The following PKHD1L1 variants were observed in gnomAD, a reference collection of about 807,000 sequenced individuals.
PKHD1L1 encodes fibrocystin-L.
Under a neutral mutation model 462.9 loss-of-function variants are expected in PKHD1L1, and 434 were observed. That is an observed-to-expected ratio of 0.94 (90% CI 0.87 to 1.02). The LOEUF (loss-of-function observed/expected upper bound fraction) is 1.02, where lower values mean the gene tolerates loss of function less well. Ranked by LOEUF, PKHD1L1 falls within the 50% of genes least tolerant of loss-of-function variation. The probability of loss-of-function intolerance (pLI) is 0.00; values close to 1 mark genes in which losing one functional copy is unlikely to be tolerated. For synonymous variants in PKHD1L1, 1,781 were observed against 1,750.0 expected (o/e 1.02, Z -0.44); for missense variants, 5,202 against 5,096.1 (o/e 1.02, Z -0.63).
rs116454162 is a variant in PKHD1L1, at chr8:109,483,641, A to G, written c.9576+536A>G. Reference sequence around the variant, plus strand: ...ATATTAGTCATATTAGTCATATTTTATGCCAATGTATATTAGTCATAAAAG... The same window carrying G: ...ATATTAGTCATATTAGTCATATTTTGTGCCAATGTATATTAGTCATAAAAG... On this transcript the variant is annotated intron_variant, in intron 57 of 77. Coordinates refer to ENST00000378402, the MANE Select transcript of PKHD1L1 (RefSeq NM_177531.6). Among the ~76,000 whole-genome samples, 1,497 of 150,638 alleles carry G rather than the reference A, an allele frequency of 9.9e-3. 18 individuals are homozygous for G. The highest frequency in any genetic ancestry group is 0.015 in the Non-Finnish European group (987 of 67,458).
chr8:109,381,940 T>C (rs1276604394), intron 3 of PKHD1L1, among the ~76,000 whole-genome samples: 1 of 152,174 alleles, frequency 6.6e-6, no homozygotes, highest in Non-Finnish European at 1.5e-5. Flanking sequence ...CCCAAATTCA[T>C]GTATGTTATT....
At chr8:109,493,541 C>T in intron 62 of PKHD1L1, 120 bp from the exon 63 acceptor site, 3 of 492,756 alleles carry the variant, frequency 6.1e-6, no homozygotes, top group East Asian at 6.8e-5. Context: ...ACAAATTTTC[C>T]TCCTGAAAAT....
At chr8:109,434,594 A>G (rs1815293163) in intron 28 of PKHD1L1, among the ~76,000 whole-genome samples, 1 of 151,814 alleles carries the variant, frequency 6.6e-6, no homozygotes, top group African/African-American at 2.4e-5. Flanking sequence ...TCAGCCTCCC[A>G]AGTAGCTGAG....
intron 5 of PKHD1L1, among the ~76,000 whole-genome samples, 182 bp downstream of exon 5, chr8:109,384,309 T>G (rs1812320274): frequency 6.6e-6 from 1 of 152,048 alleles, no homozygotes; most frequent in Non-Finnish European, 1.5e-5. Context: ...GAGGCCAAAA[T>G]GCAAGAATTC....
chr8:109,526,141 T>A (rs1203239830), intron 76 of PKHD1L1, among the ~76,000 whole-genome samples: 1 of 152,200 alleles, frequency 6.6e-6, no homozygotes, highest in Non-Finnish European at 1.5e-5. Flanking sequence ...TTGGATGAGC[T>A]CTTTAACATT....
intron 18 of PKHD1L1, 47 bp from the exon 19 acceptor site, chr8:109,409,818 T>C (rs759988362): frequency 1.8e-6 from 2 of 1,127,446 alleles, no homozygotes; most frequent in South Asian, 1.5e-5. Flanking sequence ...ACGAGTGTTC[T>C]AACTTTTCAT....
intron 13 of PKHD1L1, among the ~76,000 whole-genome samples, chr8:109,401,009 G>C (rs539640074): frequency 6.6e-6 from 1 of 152,060 alleles, no homozygotes; most frequent in Non-Finnish European, 1.5e-5. Flanking sequence ...TTTTATCATA[G>C]TTTGTACTCC....
At chr8:109,394,374 A>G in intron 9 of PKHD1L1, 41 bp from the exon 10 acceptor site, 1 of 1,290,694 alleles carries the variant, frequency 7.7e-7, no homozygotes, top group Non-Finnish European at 1.1e-6. Context: ...TTCCTAAATT[A>G]AAGATCATTT....
At chr8:109,508,341 T>C in intron 70 of PKHD1L1, 77 bp downstream of exon 70, 1 of 1,409,770 alleles carries the variant, frequency 7.1e-7, no homozygotes, top group Non-Finnish European at 9.7e-7. Flanking sequence ...ATCTCATAAA[T>C]TATTTACCCC....
At chr8:109,434,733 T>C (rs1041552703) in intron 28 of PKHD1L1, among the ~76,000 whole-genome samples, 1 of 152,218 alleles carries the variant, frequency 6.6e-6, no homozygotes, top group Admixed American at 6.5e-5. Flanking sequence ...CCTTCTAAAG[T>C]GCCGGGATTA....
At chr8:109,511,627 C>T (rs1819988795) in intron 71 of PKHD1L1, among the ~76,000 whole-genome samples, 1 of 151,950 alleles carries the variant, frequency 6.6e-6, no homozygotes, top group Non-Finnish European at 1.5e-5. Context: ...CAAGTCTTTG[C>T]TATTGTGAAT....
intron 59 of PKHD1L1, among the ~76,000 whole-genome samples, chr8:109,487,346 ACAT>A: frequency 6.6e-6 from 1 of 152,080 alleles, no homozygotes; most frequent in East Asian, 1.9e-4. Context: ...ATTTTAGAAA[ACAT>A]CAACAAATAT....
chr8:109,452,025 T>A lies in PKHD1L1; in HGVS notation c.6351-99T>A, dbSNP rs970730734. 2.7e-5 allele frequency: 18 copies of A among 672,216 alleles called. No homozygotes were observed. In the African/African-American group the frequency reaches 3.6e-4, roughly 13 times the overall value. 41.6% of individuals were successfully genotyped at this position (672,216 alleles called of 1,614,324 possible). A position where few individuals can be genotyped will look rare whatever the true frequency, so the allele number is the denominator to read the frequency against. On this transcript the variant is annotated intron_variant, in intron 41 of 77. Coordinates refer to ENST00000378402, the MANE Select transcript of PKHD1L1 (RefSeq NM_177531.6). ...TTTGGTGGCTGATAGAATCAGGTCA[T>A]TTTTTTTTTGCAATAATACATAGGA...
intron 68 of PKHD1L1, among the ~76,000 whole-genome samples, chr8:109,505,650 G>T (rs1250489566): frequency 6.6e-6 from 1 of 152,190 alleles, no homozygotes; most frequent in African/African-American, 2.4e-5. Flanking sequence ...TGTAATCTCA[G>T]AATTTTGGGA....
chr8:109,456,141 G>C, intron 45 of PKHD1L1, 121 bp from the exon 46 acceptor site: 3 of 1,006,898 alleles, frequency 3.0e-6, no homozygotes, highest in Non-Finnish European at 4.2e-6. Context: ...TGTGTGAAAT[G>C]CTAAGGTAAA....
chr8:109,463,431 G>GTA (rs1817248729), intron 48 of PKHD1L1, among the ~76,000 whole-genome samples: 1 of 131,512 alleles, frequency 7.6e-6, no homozygotes, highest in Non-Finnish European at 1.7e-5. Context: ...AATATGGACT[G>GTA]AGATTGCTAG....
In PKHD1L1 at chr8:109,477,359, A is replaced by C. The variant is rs767160225; in HGVS notation, c.9052A>C (p.Arg3018=). The C allele has an allele frequency of 2.7e-5, 43 of 1,613,348 alleles. 2 individuals are homozygous for C. The highest frequency in any genetic ancestry group is 1.2e-5 in the Non-Finnish European group (14 of 1,179,638). Residue 3018 remains arginine, a synonymous_variant, in exon 53 of 78, where the codon AGA becomes CGA. Coordinates refer to ENST00000378402, the MANE Select transcript of PKHD1L1 (RefSeq NM_177531.6). ...QDCFPVHPPS[R]KPIPKKRPAT... ...TTGCTTTCCTGTACATCCGCCATCA[A>C]GAAAACCAATTCCCAAGAAGCGACC... is the stretch of plus-strand genomic sequence containing the variant.
At chr8:109,363,151 G>C (rs1334341755) in intron 1 of PKHD1L1, among the ~76,000 whole-genome samples, 2 of 152,178 alleles carry the variant, frequency 1.3e-5, no homozygotes, top group Non-Finnish European at 2.9e-5. Flanking sequence ...ACCCAGAAGA[G>C]GGCTGGGAAG....
intron 2 of PKHD1L1, among the ~76,000 whole-genome samples, chr8:109,374,360 G>A (rs929774343): frequency 3.1e-4 from 47 of 152,064 alleles, no homozygotes; most frequent in African/African-American, 4.1e-4. Flanking sequence ...TTGGTAGATC[G>A]TCCTCCATCC....
Sources: gnomAD v4.1 joint callset for allele counts (sites outside exome capture counted in the v4.1 genomes callset) on GRCh38, gnomAD v4.1.1 for gene constraint, MANE v1.5 for transcripts, NCBI Gene and HGNC (gene_info 2026-07-23, HGNC 2026-07-21) for gene names.